Variants in DMTF1 observed in about 807,000 individuals in gnomAD.
The protein encoded by DMTF1 is cyclin-D-binding Myb-like transcription factor 1.
A neutral mutation model predicts 91.1 loss-of-function variants in DMTF1; 39 were observed. That is an observed-to-expected ratio of 0.43 (90% confidence interval 0.33 to 0.56). DMTF1 has a LOEUF of 0.56. Among genes scored for constraint, DMTF1 ranks in the 20% least tolerant of loss-of-function variants. The probability of loss-of-function intolerance (pLI) is 0.05; values close to 1 mark genes in which losing one functional copy is unlikely to be tolerated. For missense variants in DMTF1, 750 were observed against 914.5 expected (o/e 0.82, Z 2.32); for synonymous variants, 338 against 309.5 (o/e 1.09, Z -0.97).
At position 87,193,215 on chromosome 7, in the gene DMTF1, C is replaced by T. The variant is rs967509174; in HGVS notation, c.1512C>T (p.Pro504=). 1 of 1,613,112 alleles carries T rather than the reference C, an allele frequency of 6.2e-7. No individual in the cohort carries two copies. The highest frequency in any genetic ancestry group is 1.3e-5 in the African/African-American group (1 of 74,814). The change falls in exon 15 of 18, where the codon CCC becomes CCT. Residue 504 remains proline (P), a synonymous_variant. Transcript: ENST00000331242. ...TCCTTTAGTCTTTCCATCTACAGCC[C>T]ACTGGCACTCCAGGCACCTACCTAC... ...FEILPSFHLQ[P]TGTPGTYLLQ...
At chr7:87,180,250 T>G (rs1042294654) in intron 8 of DMTF1, among the ~76,000 whole-genome samples, 4 of 152,238 alleles carry the variant, frequency 2.6e-5, no homozygotes, top group African/African-American at 9.6e-5. Context: ...GTAGTATGGC[T>G]TATTAGATAC....
intron 1 of DMTF1, among the ~76,000 whole-genome samples, chr7:87,159,494 C>G (rs557412848): frequency 6.6e-6 from 1 of 152,164 alleles, no homozygotes; most frequent in Non-Finnish European, 1.5e-5. Flanking sequence ...TGCTGCTACC[C>G]TCAGGTATTT....
At chr7:87,174,364 T>C (rs1387027419) in intron 6 of DMTF1, among the ~76,000 whole-genome samples, 6 of 152,182 alleles carry the variant, frequency 3.9e-5, no homozygotes, top group African/African-American at 1.4e-4. Flanking sequence ...TTTAAATCTT[T>C]TAATTACCAT....
chr7:87,174,730 AAC>A, intron 7 of DMTF1, 61 bp downstream of exon 7: 2 of 1,190,272 alleles, frequency 1.7e-6, no homozygotes, highest in Non-Finnish European at 2.5e-6. Flanking sequence ...CAAAAATATC[AAC>A]ACAGAATGTT....
At position 87,179,553 on chromosome 7, in the gene DMTF1, A is replaced by G; in HGVS notation, c.528A>G (p.Gly176=). The part of the protein sequence containing the change: ...NNIERYLKAR[G]IKDATEIIFE... ...AAATGTAACCCATTTAGGCACGCGG[A>G]ATAAAAGATGCTACAGAAATCATCT... Residue 176 remains glycine (G), a synonymous_variant, in exon 8 of 18, where the codon GGA becomes GGG. Transcript: ENST00000331242. 1 of 1,531,318 alleles carries G rather than the reference A, an allele frequency of 6.5e-7. No individual in the cohort carries two copies. 94.9% of individuals were successfully genotyped at this position (1,531,318 alleles called of 1,614,324 possible).
intron 1 of DMTF1, chr7:87,154,364 G>A (rs1010987611): frequency 6.6e-6 from 1 of 152,578 alleles, no homozygotes; most frequent in East Asian, 1.9e-4. Context: ...CACCAAACAA[G>A]CTAATTTTTT....
At chr7:87,194,183 A>T in intron 16 of DMTF1, 81 bp downstream of exon 16, 1 of 1,460,184 alleles carries the variant, frequency 6.8e-7, no homozygotes, top group Non-Finnish European at 9.1e-7. Context: ...TTTTCTGAAG[A>T]CTCATGAAAT....
Position 87,174,663 on chromosome 7 carries a change from T to C in DMTF1, c.513T>C (p.Tyr171=). 1 of 1,598,772 alleles carries C rather than the reference T, an allele frequency of 6.3e-7. No individual in the cohort carries two copies. Among genetic ancestry groups the C allele is most frequent in the Non-Finnish European group, 8.5e-7 (1 of 1,170,324 alleles). Residue 171 remains tyrosine (Y), a synonymous_variant, in exon 7 of 18, where the codon TAT becomes TAC. Coordinates refer to ENST00000331242, the MANE Select transcript of DMTF1 (RefSeq NM_001142327.2). ...IDILMNNIER[Y]LKARGIKDAT... ...TTTTGATGAACAATATTGAACGCTA[T>C]CTTAAGGTATCTTATGGCATATTTT...
chr7:87,184,615 C>T lies in DMTF1; in HGVS notation c.1039C>T (p.Leu347Phe). Residue 347 changes from leucine to phenylalanine, a missense_variant, in exon 11 of 18, where the codon CTC (leucine) becomes TTC (phenylalanine). By Grantham distance (22) the Leu-to-Phe change is conservative (BLOSUM62 0). Coordinates refer to ENST00000331242, the MANE Select transcript of DMTF1 (RefSeq NM_001142327.2). The stretch of plus-strand genomic sequence containing the variant: ...ATGGACCAAGGAAGATGAAATCAAT[C>T]TCATCCTCAGGTTTGTGTCCTGAAT... The part of the protein sequence containing the change: ...TEWTKEDEIN[L>F]ILRIAELDVA... The T allele has an allele frequency of 6.2e-7, 1 of 1,613,438 alleles. No homozygotes were observed.
rs561535472 is a variant in DMTF1, at chr7:87,157,212, A to G, written c.-132+4657A>G. 2.6e-5 allele frequency among the ~76,000 whole-genome samples: 4 copies of G among 152,238 alleles called. No homozygotes were observed. The South Asian group carries it at 8.3e-4, about 32-fold the overall frequency. ...GCCTGTGTTTCTCAGTCTTTAACTCACCTAACAAAATTGTGGTGCTATATG... is the reference window on the plus strand; with the variant it reads ...GCCTGTGTTTCTCAGTCTTTAACTCGCCTAACAAAATTGTGGTGCTATATG... On this transcript the variant is annotated intron_variant, in intron 1 of 17. Transcript: ENST00000331242.
At chr7:87,168,376 A>G (rs966903846) in intron 4 of DMTF1, among the ~76,000 whole-genome samples, 2 of 151,994 alleles carry the variant, frequency 1.3e-5, no homozygotes, top group Admixed American at 6.6e-5. Flanking sequence ...ACTCTTACCT[A>G]TTACTAGAGT....
chr7:87,162,313 C>T (rs994042719), intron 1 of DMTF1, among the ~76,000 whole-genome samples: 4 of 152,082 alleles, frequency 2.6e-5, no homozygotes, highest in Non-Finnish European at 5.9e-5. Flanking sequence ...TTAAGTGATC[C>T]TCCTCCCAAA....
In DMTF1 at chr7:87,193,218, T is replaced by C. The variant is rs757105303; in HGVS notation, c.1515T>C (p.Thr505=). The change falls in exon 15 of 18, where the codon ACT becomes ACC. Residue 505 remains threonine, a synonymous_variant. Coordinates refer to ENST00000331242, the MANE Select transcript of DMTF1 (RefSeq NM_001142327.2). ...TTTAGTCTTTCCATCTACAGCCCACTGGCACTCCAGGCACCTACCTACTTC... is the reference window on the plus strand; with the variant it reads ...TTTAGTCTTTCCATCTACAGCCCACCGGCACTCCAGGCACCTACCTACTTC... The part of the protein sequence containing the change: ...EILPSFHLQP[T]GTPGTYLLQT... 1.4e-5 allele frequency: 23 copies of C among 1,613,242 alleles called. No individual in the cohort carries two copies. The highest frequency in any genetic ancestry group is 1.7e-5 in the Non-Finnish European group (20 of 1,179,486).
chr7:87,194,184 C>T, intron 16 of DMTF1, 82 bp downstream of exon 16: 2 of 1,453,952 alleles, frequency 1.4e-6, no homozygotes, highest in Non-Finnish European at 1.8e-6. Flanking sequence ...TTTCTGAAGA[C>T]TCATGAAATT....
intron 13 of DMTF1, among the ~76,000 whole-genome samples, chr7:87,189,557 T>G (rs577811040): frequency 6.6e-6 from 1 of 152,252 alleles, no homozygotes; most frequent in South Asian, 2.1e-4. Flanking sequence ...GATAGCATCA[T>G]TTTAAATAGT....
At chr7:87,188,067 T>A in intron 12 of DMTF1, 25 bp from the exon 13 acceptor site, 1 of 1,596,690 alleles carries the variant, frequency 6.3e-7, no homozygotes. Context: ...ATCAATGTTC[T>A]TTTTGTCTAC....
chr7:87,194,867 T>G (rs1307084281), intron 17 of DMTF1, 39 bp downstream of exon 17: 2 of 1,570,210 alleles, frequency 1.3e-6, no homozygotes, highest in Non-Finnish European at 1.7e-6. Flanking sequence ...CTGATAAATT[T>G]TAGATGGAAA....
At position 87,191,004 on chromosome 7, in the gene DMTF1, C is replaced by G. The variant is rs764634233; in HGVS notation, c.1471C>G (p.Leu491Val). 1 of 1,607,412 alleles carries G rather than the reference C, an allele frequency of 6.2e-7. No homozygotes were observed. Among genetic ancestry groups the G allele is most frequent in the Non-Finnish European group, 8.5e-7 (1 of 1,176,018 alleles). ...AACAATAACACTAAACAGTGGAACA[C>G]TACAGACATTTGAGATTCTTCCCGT... ...SETITLNSGT[L>V]QTFEILPSFH... is the part of the protein sequence containing the mutation. Residue 491 changes from leucine to valine, a missense_variant, in exon 14 of 18, where the codon CTA becomes GTA. By Grantham distance (32) the Leu-to-Val change is conservative. Around this residue, in one of 3 missense-constraint regions of DMTF1, gnomAD observed 410 missense variants for 420.2 expected, o/e 0.98. Transcript: ENST00000331242.
chr7:87,158,539 A>T (rs777000796), intron 1 of DMTF1, among the ~76,000 whole-genome samples: 5 of 152,076 alleles, frequency 3.3e-5, no homozygotes, highest in Non-Finnish European at 7.4e-5. Context: ...TAAAACTTTA[A>T]GAGTTATAAT....
Sources: allele counts gnomAD v4.1 joint callset (sites outside exome capture counted in the v4.1 genomes callset), GRCh38; gene constraint gnomAD v4.1.1; regional missense constraint gnomAD v4.1.1; transcripts MANE v1.5; gene names NCBI Gene and HGNC (gene_info 2026-07-23, HGNC 2026-07-21).